The following SMAP2 variants were observed in gnomAD, a reference collection of about 807,000 sequenced individuals.
SMAP2 encodes stromal membrane-associated protein 2.
SMAP2 carries 25 observed loss-of-function variants against 56.4 expected under a neutral mutation model. That is an observed-to-expected ratio of 0.44 (90% CI 0.32 to 0.62). The LOEUF (loss-of-function observed/expected upper bound fraction) is 0.62. Among genes scored for constraint, SMAP2 ranks in the 20% least tolerant of loss-of-function variants. The probability of loss-of-function intolerance (pLI) is 0.04; values close to 1 mark genes in which losing one functional copy is unlikely to be tolerated. For synonymous variants in SMAP2, 157 were observed against 181.7 expected (o/e 0.86, Z 1.09); for missense variants, 388 against 545.6 (o/e 0.71, Z 2.88).
rs924454059 is a variant in SMAP2 at position 40,416,430 on chromosome 1, C to T, written c.847+89C>T. 2.8e-5 allele frequency: 40 copies of T among 1,443,554 alleles called. No individual in the cohort carries two copies. In the East Asian group the frequency reaches 8.2e-4, roughly 30 times the overall value. 89.4% of individuals were successfully genotyped at this position (1,443,554 alleles called of 1,614,324 possible). ...TATTTATTGTGACAGAGGACAGTTG[C>T]TTTGGGGGCCAGGATGTCATACACC... On this transcript the variant is annotated intron_variant, in intron 8 of 9. Transcript: ENST00000372718.
At chr1:40,419,607 C>T (rs988097955) in intron 9 of SMAP2, among the ~76,000 whole-genome samples, 11 of 152,110 alleles carry the variant, frequency 7.2e-5, no homozygotes, top group Non-Finnish European at 7.3e-5. Flanking sequence ...AAACAGACTA[C>T]AAAGTGCAGC....
chr1:40,388,162 G>A (rs1399666497), intron 1 of SMAP2, among the ~76,000 whole-genome samples: 1 of 152,194 alleles, frequency 6.6e-6, no homozygotes, highest in Non-Finnish European at 1.5e-5. Flanking sequence ...TGTGCAGCCT[G>A]AGCCTCCCCA....
At chr1:40,384,396 T>C (rs1644633348) in intron 1 of SMAP2, among the ~76,000 whole-genome samples, 1 of 152,218 alleles carries the variant, frequency 6.6e-6, no homozygotes, top group Non-Finnish European at 1.5e-5. Flanking sequence ...TATTTTGTCT[T>C]GTAAGGAATG....
In SMAP2 at chr1:40,374,726, C is replaced by G; in HGVS notation, c.103+503C>G. The G allele has an allele frequency of 6.5e-7, 1 of 1,550,336 alleles. No individual in the cohort carries two copies. The highest frequency in any genetic ancestry group is 8.7e-7 in the Non-Finnish European group (1 of 1,146,942). The stretch of plus-strand genomic sequence containing the variant: ...TTTTAAAGGTGGTGATTTTTGCTTC[C>G]TGCTATTTGGTTAGCAACTCCTGTC... On this transcript the variant is annotated intron_variant, in intron 1 of 9. Coordinates refer to ENST00000372718, the MANE Select transcript of SMAP2 (RefSeq NM_022733.3). This position sits in a 1 kb window ranked among gnomAD's most constrained non-coding sequence, Gnocchi z 5.9.
intron 1 of SMAP2, among the ~76,000 whole-genome samples, chr1:40,390,039 A>C (rs555881954): frequency 1.3e-5 from 2 of 151,328 alleles, no homozygotes; most frequent in Non-Finnish European, 2.9e-5. Flanking sequence ...TTTTGACCTC[A>C]TTGTGTTCTA....
At chr1:40,421,902 C>G (rs909790820) in intron 9 of SMAP2, 74 bp from the exon 10 acceptor site, 5 of 1,575,028 alleles carry the variant, frequency 3.2e-6, no homozygotes, top group Non-Finnish European at 3.5e-6. Context: ...GAGAAAGGGA[C>G]TCTCACCCTG....
intron 1 of SMAP2, among the ~76,000 whole-genome samples, chr1:40,383,240 G>A (rs963454535): frequency 4.6e-5 from 7 of 152,174 alleles, no homozygotes; most frequent in Admixed American, 2.6e-4. Flanking sequence ...TGGTGTGAGC[G>A]GAAGCATGGA....
chr1:40,399,584 C>A (rs1008158426), intron 1 of SMAP2, among the ~76,000 whole-genome samples: 5 of 148,900 alleles, frequency 3.4e-5, no homozygotes, highest in African/African-American at 9.9e-5. Flanking sequence ...TGCATCTAGT[C>A]CCAGCTACTT....
rs767017815 is a variant in SMAP2 at position 40,416,925 on chromosome 1, C to A, written c.993C>A (p.Ala331=). The change falls in exon 9 of 10, where the codon GCC becomes GCA. Residue 331 remains alanine, a synonymous_variant. Transcript: ENST00000372718. ...VAQPGASGMV[A]PMAMPAGYMG... is the part of the protein sequence containing the mutation. ...AGCCAGGAGCTTCTGGGATGGTTGC[C>A]CCCATGGCCATGCCTGCAGGCTATA... 6.2e-7 allele frequency: 1 copy of A among 1,614,198 alleles called. No individual in the cohort carries two copies. Among genetic ancestry groups the A allele is most frequent in the Non-Finnish European group, 8.5e-7 (1 of 1,180,030 alleles).
At chr1:40,399,285 C>T (rs1644803966) in intron 1 of SMAP2, among the ~76,000 whole-genome samples, 1 of 149,834 alleles carries the variant, frequency 6.7e-6, no homozygotes. Flanking sequence ...GCTGGGACTA[C>T]AGGCATGTGC....
In SMAP2 at chr1:40,414,193, A is replaced by G. The variant is rs1226827269; in HGVS notation, c.524A>G (p.Lys175Arg). 6.2e-7 allele frequency: 1 copy of G among 1,614,238 alleles called. No individual in the cohort carries two copies. Among genetic ancestry groups the G allele is most frequent in the Admixed American group, 1.7e-5 (1 of 60,034 alleles). ...AAAGAAGACCCACAGCTACCTCGGA[A>G]AAGCTCCCCGAAATCCACAGCGCCT... ...QKKEDPQLPR[K>R]SSPKSTAPVM... The change falls in exon 6 of 10, where the codon AAA becomes AGA. Residue 175 changes from lysine to arginine, a missense_variant. By Grantham distance (26) the Lys-to-Arg change is conservative. Transcript: ENST00000372718.
At chr1:40,391,087 C>T (rs1466301554) in intron 1 of SMAP2, among the ~76,000 whole-genome samples, 1 of 152,126 alleles carries the variant, frequency 6.6e-6, no homozygotes, top group Non-Finnish European at 1.5e-5. Flanking sequence ...CACTAGATGC[C>T]AGTAGCTCTT....
rs1420202264 is a variant in SMAP2, at chr1:40,414,156, T to A, written c.490-3T>A. 1 of 1,613,930 alleles carries A rather than the reference T, an allele frequency of 6.2e-7. No homozygotes were observed. On this transcript the variant is annotated splice_polypyrimidine_tract_variant and splice_region_variant and intron_variant, in intron 5 of 9. Transcript: ENST00000372718. ...TTCTTGCTATAACATATTTTCACCT[T>A]AGCCACAGAAAAAAGAAGACCCACA...
At chr1:40,404,206 T>C (rs1280814895) in intron 1 of SMAP2, among the ~76,000 whole-genome samples, 1 of 152,230 alleles carries the variant, frequency 6.6e-6, no homozygotes, top group African/African-American at 2.4e-5. Flanking sequence ...TCAGAATATT[T>C]TATGGAACAT....
chr1:40,384,810 G>A (rs1212945608), intron 1 of SMAP2, among the ~76,000 whole-genome samples: 1 of 152,176 alleles, frequency 6.6e-6, no homozygotes, highest in South Asian at 2.1e-4. Flanking sequence ...ATTTGAAAAA[G>A]CATATCAGAC....
chr1:40,388,676 A>G (rs912654733), intron 1 of SMAP2, among the ~76,000 whole-genome samples: 9 of 152,214 alleles, frequency 5.9e-5, no homozygotes, highest in Non-Finnish European at 1.2e-4. Flanking sequence ...TCTACCAATC[A>G]GCAGGATGTG....
intron 6 of SMAP2, 56 bp downstream of exon 6, chr1:40,414,296 T>C (rs904518261): frequency 1.8e-5 from 28 of 1,535,228 alleles, no homozygotes; most frequent in Non-Finnish European, 2.3e-5. Context: ...AAATTCTCAG[T>C]GACCCTGGAA....
Position 40,374,195 on chromosome 1 carries a change from C to T in SMAP2, c.75C>T (p.Asn25=), listed in dbSNP as rs769608050. The T allele has an allele frequency of 7.4e-6, 12 of 1,613,426 alleles. No homozygotes were observed. The highest frequency in any genetic ancestry group is 1.1e-5 in the South Asian group (1 of 90,884). ...CCAACCTGCTGCTGGAGGAGGATAACAAGTTTTGTGCAGATTGCCAGTCTA... is the reference window on the plus strand; with the variant it reads ...CCAACCTGCTGCTGGAGGAGGATAATAAGTTTTGTGCAGATTGCCAGTCTA... ...VLANLLLEED[N]KFCADCQSKG... Residue 25 remains asparagine, a synonymous_variant, in exon 1 of 10, where the codon AAC becomes AAT. Transcript: ENST00000372718. This position sits in a 1 kb window ranked among gnomAD's most constrained non-coding sequence, Gnocchi z 5.9.
Position 40,358,657 on chromosome 1 carries a change from C to T in SMAP2, c.-82-3643C>T, listed in dbSNP as rs142085574. Among the ~76,000 whole-genome samples the T allele has an allele frequency of 2.3e-4, 35 of 152,286 alleles. No homozygotes were observed. In the East Asian group the frequency reaches 6.6e-3, roughly 29 times the overall value. On this transcript the variant is annotated intron_variant, in intron 1 of 6. Coordinates refer to the SMAP2 transcript ENST00000435168. ...TTTATGGCCTAACATATACTCTATC[C>T]TTGAGAATGATCCATGTGCTGAGGA...
Sources: allele counts gnomAD v4.1 joint callset (sites outside exome capture counted in the v4.1 genomes callset), GRCh38; gene constraint gnomAD v4.1.1; non-coding constraint Gnocchi (gnomAD v3.1); transcripts MANE v1.5; gene names NCBI Gene and HGNC (gene_info 2026-07-23, HGNC 2026-07-21).